The following GRHL2 variants were observed in gnomAD, a reference collection of about 807,000 sequenced individuals.
GRHL2 encodes the protein grainyhead-like protein 2 homolog.
In GRHL2, 21 loss-of-function variants were observed where a neutral mutation model predicts 83.8. The ratio of observed to expected loss-of-function variants is 0.25; its 90% confidence interval spans 0.18 to 0.36. The LOEUF is 0.36. Ranked by LOEUF, GRHL2 falls within the 10% of genes least tolerant of loss-of-function variation. The probability of loss-of-function intolerance (pLI) is 1.00; values close to 1 mark genes in which losing one functional copy is unlikely to be tolerated. For missense variants in GRHL2, 623 were observed against 781.8 expected, an observed-to-expected ratio of 0.80 and a Z score of 2.42; for synonymous variants, 280 against 278.9, an observed-to-expected ratio of 1.00 and a Z score of -0.04.
intron 4 of GRHL2, 110 bp from the exon 5 acceptor site, chr8:101,570,229 T>C: frequency 1.1e-6 from 1 of 937,040 alleles, no homozygotes; most frequent in Non-Finnish European, 1.7e-6. Flanking sequence ...ATCAAATACA[T>C]AACTTTATTT....
chr8:101,517,944 C>G (rs538480458), intron 1 of GRHL2, among the ~76,000 whole-genome samples: 30 of 152,260 alleles, frequency 2.0e-4, no homozygotes, highest in Middle Eastern at 6.8e-3. Flanking sequence ...CTCGGGCTCA[C>G]CAGCACCTCG....
At chr8:101,628,769 A>G (rs1292939092) in intron 9 of GRHL2, among the ~76,000 whole-genome samples, 1 of 152,160 alleles carries the variant, frequency 6.6e-6, no homozygotes, top group Non-Finnish European at 1.5e-5. Flanking sequence ...TCCAGCCCTC[A>G]CGGATGACTT....
In GRHL2 at chr8:101,492,552, T is replaced by A. The variant is rs1809983537; in HGVS notation, c.-218T>A. 1.6e-6 allele frequency: 1 copy of A among 639,084 alleles called. No individual in the cohort carries two copies. The highest frequency in any genetic ancestry group is 2.5e-5 in the Admixed American group (1 of 39,874). 39.6% of individuals were successfully genotyped at this position (639,084 alleles called of 1,614,324 possible). Reference sequence around the variant, plus strand: ...GCCGCCTCCGAGCTCGGGCCCCATGTGAGGGGCCCCCCCTTATCCCACCTT... The same window carrying A: ...GCCGCCTCCGAGCTCGGGCCCCATGAGAGGGGCCCCCCCTTATCCCACCTT... On this transcript the variant is annotated 5_prime_UTR_variant, in exon 1 of 16. It removes the in-frame stop codon of an upstream open reading frame in the 5' UTR. Transcript: ENST00000646743.
intron 1 of GRHL2, among the ~76,000 whole-genome samples, chr8:101,503,346 T>C (rs1810271292): frequency 6.6e-6 from 1 of 152,170 alleles, no homozygotes; most frequent in Non-Finnish European, 1.5e-5. Flanking sequence ...AGTAGACAAT[T>C]AGTAAAAGCT....
chr8:101,583,789 CA>C (rs1250516802), intron 7 of GRHL2, among the ~76,000 whole-genome samples: 2 of 152,174 alleles, frequency 1.3e-5, no homozygotes, highest in Non-Finnish European at 2.9e-5. Context: ...ACCTTTCAAA[CA>C]GGGAAGGAAA....
At chr8:101,580,947 C>G (rs1812040285) in intron 7 of GRHL2, among the ~76,000 whole-genome samples, 1 of 152,172 alleles carries the variant, frequency 6.6e-6, no homozygotes, top group African/African-American at 2.4e-5. Context: ...TCGTGATCTG[C>G]CCGTCTCAGC....
chr8:101,493,837 TG>T (rs1810030591), intron 1 of GRHL2, among the ~76,000 whole-genome samples: 1 of 151,680 alleles, frequency 6.6e-6, no homozygotes, highest in Admixed American at 6.5e-5. Context: ...CGCGGGTCAC[TG>T]GGCCCGGTCC....
At chr8:101,557,095 T>G (rs1349649846) in intron 3 of GRHL2, among the ~76,000 whole-genome samples, 3 of 152,014 alleles carry the variant, frequency 2.0e-5, no homozygotes, top group African/African-American at 7.3e-5. Flanking sequence ...GCAATAGTAT[T>G]TAAATCCCTG....
chr8:101,531,086 C>T (rs903680041), intron 1 of GRHL2, among the ~76,000 whole-genome samples: 3 of 151,924 alleles, frequency 2.0e-5, no homozygotes, highest in African/African-American at 7.3e-5. Context: ...AAAAATTAGT[C>T]AGGCATGATG....
Position 101,637,065 on chromosome 8 carries a change from G to A in GRHL2, c.1517+137G>A. ...CAGGACTCAGAGCTGAGAGACGCTT[G>A]ATTCTGGGGACCATCTGGGAGGGAG... On this transcript the variant is annotated intron_variant, in intron 12 of 15. Coordinates refer to ENST00000646743, the MANE Select transcript of GRHL2 (RefSeq NM_024915.4). 6 of 823,390 alleles carry A rather than the reference G, an allele frequency of 7.3e-6. No individual in the cohort carries two copies. In the South Asian group the frequency reaches 8.1e-5, roughly 11 times the overall value. 51.0% of individuals were successfully genotyped at this position (823,390 alleles called of 1,614,324 possible).
intron 9 of GRHL2, 55 bp from the exon 10 acceptor site, chr8:101,631,582 T>C: frequency 7.2e-7 from 1 of 1,387,048 alleles, no homozygotes; most frequent in Non-Finnish European, 1.0e-6. Context: ...GACATGACTT[T>C]TGCATGCTCT....
At chr8:101,515,039 TTCCA>T (rs547283709) in intron 1 of GRHL2, among the ~76,000 whole-genome samples, 2 of 150,234 alleles carry the variant, frequency 1.3e-5, no homozygotes, top group African/African-American at 4.9e-5. Context: ...CCTTCCTTCC[TTCCA>T]TCCTTCCTTC....
chr8:101,673,635 T>A (rs911824790), downstream of GRHL2, among the ~76,000 whole-genome samples: 3 of 151,874 alleles, frequency 2.0e-5, no homozygotes, highest in Non-Finnish European at 4.4e-5. Context: ...ACTGTCAACA[T>A]TAGACAGATC....
At chr8:101,549,010 A>G (rs914246817) in intron 2 of GRHL2, among the ~76,000 whole-genome samples, 9 of 152,178 alleles carry the variant, frequency 5.9e-5, no homozygotes, top group Admixed American at 1.3e-4. Flanking sequence ...AGGGCCTACT[A>G]CATTCCAGGC....
At position 101,627,774 on chromosome 8, in the gene GRHL2, G is replaced by A. The variant is rs531934319; in HGVS notation, c.1258-3863G>A. On this transcript the variant is annotated intron_variant, in intron 9 of 15. Transcript: ENST00000646743. ...GTGCTACTCCAGTGAACACACAAAT[G>A]ATAAGAAAGTGAAACTGCCCTACTG... Among the ~76,000 whole-genome samples the A allele has an allele frequency of 9.7e-4, 147 of 152,218 alleles. 2 individuals are homozygous for A. Among genetic ancestry groups the A allele is most frequent in the African/African-American group, 3.4e-3 (142 of 41,554 alleles).
At chr8:101,571,313 G>A (rs1429790552) in intron 5 of GRHL2, among the ~76,000 whole-genome samples, 1 of 152,080 alleles carries the variant, frequency 6.6e-6, no homozygotes, top group Non-Finnish European at 1.5e-5. Flanking sequence ...AACATTCCAG[G>A]TAAAAGAGTC....
At chr8:101,639,205 C>T (rs892949160) in intron 12 of GRHL2, among the ~76,000 whole-genome samples, 3 of 152,182 alleles carry the variant, frequency 2.0e-5, no homozygotes, top group African/African-American at 7.2e-5. Flanking sequence ...TTGGCTCACC[C>T]TGTGTTATTG....
intron 8 of GRHL2, among the ~76,000 whole-genome samples, chr8:101,613,309 A>G (rs979332462): frequency 1.3e-5 from 2 of 150,928 alleles, no homozygotes; most frequent in Non-Finnish European, 2.9e-5. Context: ...ATCAGGAAGA[A>G]AGGAAGAAAT....
intron 14 of GRHL2, among the ~76,000 whole-genome samples, chr8:101,663,022 T>C (rs1813956526): frequency 6.6e-6 from 1 of 152,234 alleles, no homozygotes; most frequent in African/African-American, 2.4e-5. Flanking sequence ...TTTTTAAGTG[T>C]GAATTATCAA....
Sources: gnomAD v4.1 joint callset for allele counts (sites outside exome capture counted in the v4.1 genomes callset) on GRCh38, gnomAD v4.1.1 for gene constraint, MANE v1.5 for transcripts, NCBI Gene and HGNC (gene_info 2026-07-23, HGNC 2026-07-21) for gene names.